The following MED12L variants were observed in gnomAD, a reference collection of about 807,000 sequenced individuals.
MED12L encodes the protein mediator complex subunit 12L.
MED12L carries 60 observed loss-of-function variants against 281.3 expected under a neutral mutation model. That is an observed-to-expected ratio of 0.21 (90% CI 0.17 to 0.26). The LOEUF (loss-of-function observed/expected upper bound fraction) is 0.26. Among genes scored for constraint, MED12L ranks in the 10% least tolerant of loss-of-function variants. The pLI is 1.00. For synonymous variants in MED12L, 974 were observed against 987.2 expected, an observed-to-expected ratio of 0.99 and a Z score of 0.25; for missense variants, 2,146 against 2,680.9, an observed-to-expected ratio of 0.80 and a Z score of 4.41.
intron 14 of MED12L, 75 bp downstream of exon 14, chr3:151,191,006 T>A: frequency 7.6e-7 from 1 of 1,320,060 alleles, no homozygotes. Flanking sequence ...ATGGGTCATG[T>A]AGTGGTAGAA....
At chr3:151,142,734 C>A (rs972417645) in intron 5 of MED12L, among the ~76,000 whole-genome samples, 1 of 151,970 alleles carries the variant, frequency 6.6e-6, no homozygotes, top group South Asian at 2.1e-4. Context: ...TCTAAGCTAA[C>A]CTTTTAATGA....
At position 151,158,706 on chromosome 3, in the gene MED12L, A is replaced by C. The variant is rs1719605636; in HGVS notation, c.744A>C (p.Lys248Asn). ...FHMFQEGMLE[K>N]HEYLTWILDV... ...CATTTAAGGAAGGAATGTTAGAAAA[A>C]CACGAATATTTGACATGGATCCTGG... The change falls in exon 7 of 45, where the codon AAA becomes AAC. Residue 248 changes from lysine to asparagine, a missense_variant. This residue lies in a region of MED12L where 722 missense variants were observed against 861.2 expected (regional missense o/e 0.84). Transcript: ENST00000687756. 2.5e-6 allele frequency: 4 copies of C among 1,610,118 alleles called. No individual in the cohort carries two copies. The highest frequency in any genetic ancestry group is 3.4e-6 in the Non-Finnish European group (4 of 1,177,880).
At chr3:151,122,200 G>GGCAGCCCAA (rs1713862760) in intron 3 of MED12L, among the ~76,000 whole-genome samples, 1 of 152,114 alleles carries the variant, frequency 6.6e-6, no homozygotes, top group Non-Finnish European at 1.5e-5. Context: ...TTGAAACATT[G>GGCAGCCCAA]TAGTTTTGAA....
chr3:151,193,050 T>A (rs905053714), intron 15 of MED12L, among the ~76,000 whole-genome samples: 2 of 152,234 alleles, frequency 1.3e-5, no homozygotes, highest in Admixed American at 1.3e-4. Flanking sequence ...AATTATAATG[T>A]GTTCTTTCTC....
intron 36 of MED12L, among the ~76,000 whole-genome samples, chr3:151,386,909 A>T (rs1442441435): frequency 6.6e-6 from 1 of 151,978 alleles, no homozygotes; most frequent in African/African-American, 2.4e-5. Context: ...GGGTTTCACC[A>T]TGTTGGCCAG....
chr3:151,248,297 T>A (rs145014816), intron 16 of MED12L, among the ~76,000 whole-genome samples: 1 of 152,176 alleles, frequency 6.6e-6, no homozygotes, highest in South Asian at 2.1e-4. Flanking sequence ...AAATTGTGAC[T>A]CACCATTAAA....
chr3:151,259,948 CT>C, intron 16 of MED12L, among the ~76,000 whole-genome samples: 1 of 152,276 alleles, frequency 6.6e-6, no homozygotes, highest in South Asian at 2.1e-4. Flanking sequence ...AACCAATCCC[CT>C]TTTGGTATGT....
intron 16 of MED12L, chr3:151,198,187 CA>C: frequency 2.8e-6 from 1 of 355,830 alleles, no homozygotes. Context: ...TACATTCGTT[CA>C]ATGAGACTCT....
chr3:151,405,454 A>T (rs1417291961), intron 39 of MED12L, among the ~76,000 whole-genome samples: 1 of 152,196 alleles, frequency 6.6e-6, no homozygotes, highest in Non-Finnish European at 1.5e-5. Context: ...GCACCTGCCT[A>T]GACACAAATA....
Position 151,145,303 on chromosome 3 carries a change from C to G in MED12L, c.557-10858C>G, listed in dbSNP as rs1169442332. Among the ~76,000 whole-genome samples, 3 of 152,178 alleles carry G rather than the reference C, an allele frequency of 2.0e-5. No individual in the cohort carries two copies. The East Asian group carries it at 5.8e-4, about 29-fold the overall frequency. Reference sequence around the variant, plus strand: ...AGCGAGTGCACTACCAATATTGTTACTCTGCATGATAAACTGGTCTGTCCC... The same window carrying G: ...AGCGAGTGCACTACCAATATTGTTAGTCTGCATGATAAACTGGTCTGTCCC... On this transcript the variant is annotated intron_variant, in intron 5 of 44. Coordinates refer to ENST00000687756, the MANE Select transcript of MED12L (RefSeq NM_001393769.1).
At chr3:151,130,879 C>G (rs10935827) in intron 5 of MED12L, among the ~76,000 whole-genome samples, 46,290 of 152,126 alleles carry the variant, frequency 0.3, 9,080 homozygotes, top group African/African-American at 0.56. Flanking sequence ...CTGTCTACAT[C>G]CACTCCCAAG....
chr3:151,416,234 G>A (rs977117068), intron 42 of MED12L, 78 bp from the exon 43 acceptor site: 48 of 1,610,094 alleles, frequency 3.0e-5, no homozygotes, highest in Non-Finnish European at 5.9e-6. Flanking sequence ...TTAGATAAAA[G>A]GTATATGGGG....
At chr3:151,229,948 C>T (rs1357556347) in intron 16 of MED12L, among the ~76,000 whole-genome samples, 1 of 151,948 alleles carries the variant, frequency 6.6e-6, no homozygotes, top group South Asian at 2.1e-4. Context: ...CCTAGGCTCA[C>T]ATGTTGGGAT....
intron 4 of MED12L, among the ~76,000 whole-genome samples, chr3:151,124,873 ACCTGTT>A (rs1258166111): frequency 6.6e-6 from 1 of 152,198 alleles, no homozygotes; most frequent in African/African-American, 2.4e-5. Context: ...ATTAACTCTC[ACCTGTT>A]CCCTTCAGGT....
chr3:151,166,832 T>C (rs75633860), intron 11 of MED12L, among the ~76,000 whole-genome samples: 2,865 of 152,106 alleles, frequency 0.019, 66 homozygotes, highest in African/African-American at 0.058. Context: ...CCCACCACTA[T>C]GCTCAGCTAA....
chr3:151,144,676 A>G (rs184964429), intron 5 of MED12L, among the ~76,000 whole-genome samples: 2 of 152,110 alleles, frequency 1.3e-5, no homozygotes, highest in East Asian at 3.9e-4. Flanking sequence ...CCCCTTCCTC[A>G]GCTGTGTTAT....
intron 16 of MED12L, chr3:151,294,764 A>G (rs781223482): frequency 1.9e-6 from 3 of 1,614,060 alleles, no homozygotes; most frequent in South Asian, 1.1e-5. Context: ...ACAAACAGAT[A>G]AAACCTTCGT....
intron 31 of MED12L, among the ~76,000 whole-genome samples, chr3:151,379,164 T>G (rs1470090757): frequency 6.6e-6 from 1 of 152,238 alleles, no homozygotes; most frequent in Non-Finnish European, 1.5e-5. Context: ...TGGCCAGGAT[T>G]AATTAACCAA....
Position 151,317,845 on chromosome 3 carries a change from A to G in MED12L, c.2251-32214A>G, listed in dbSNP as rs529472776. 1.4e-4 allele frequency among the ~76,000 whole-genome samples: 21 copies of G among 152,326 alleles called. No individual in the cohort carries two copies. The South Asian group carries it at 4.3e-3, about 32-fold the overall frequency. On this transcript the variant is annotated intron_variant, in intron 16 of 44. Transcript: ENST00000687756. Reference sequence around the variant, plus strand: ...ATGCAACATTTAAATACATTTAAAAAAATAAAATTTCATCAAATGGAATCA... The same window carrying G: ...ATGCAACATTTAAATACATTTAAAAGAATAAAATTTCATCAAATGGAATCA...
Sources: gnomAD v4.1 joint callset for allele counts (sites outside exome capture counted in the v4.1 genomes callset) on GRCh38, gnomAD v4.1.1 for gene constraint, gnomAD v4.1.1 regional missense constraint, MANE v1.5 for transcripts, NCBI Gene and HGNC (gene_info 2026-07-23, HGNC 2026-07-21) for gene names.